Variants in TMEM26 observed in about 807,000 individuals in gnomAD.
TMEM26 encodes transmembrane protein 26.
In TMEM26, 38 loss-of-function variants were observed where a neutral mutation model predicts 28.8. The observed-to-expected ratio is 1.32, with a 90% CI of 1.02 to 1.73. TMEM26 has a LOEUF of 1.73. Ranked by LOEUF, TMEM26 falls within the 40% of genes most tolerant of loss-of-function variation. TMEM26 has a pLI of 0.00. For synonymous variants in TMEM26, 227 were observed against 182.9 expected, an observed-to-expected ratio of 1.24 and a Z score of -1.95; for missense variants, 518 against 447.1, an observed-to-expected ratio of 1.16 and a Z score of -1.43.
At chr10:61,421,171 T>C (rs1457829220) in intron 4 of TMEM26, among the ~76,000 whole-genome samples, 3 of 152,006 alleles carry the variant, frequency 2.0e-5, no homozygotes, top group Non-Finnish European at 4.4e-5. Context: ...ATGTATATTG[T>C]AACCCCTAGA....
At chr10:61,426,264 G>A (rs1303416309) in intron 4 of TMEM26, among the ~76,000 whole-genome samples, 2 of 152,036 alleles carry the variant, frequency 1.3e-5, no homozygotes, top group African/African-American at 2.4e-5. Flanking sequence ...GTGGTTGCCT[G>A]TTAAGAGTGA....
At chr10:61,441,032 T>C (rs1840083912) in intron 1 of TMEM26, among the ~76,000 whole-genome samples, 1 of 152,204 alleles carries the variant, frequency 6.6e-6, no homozygotes, top group Admixed American at 6.5e-5. Flanking sequence ...CTGTACAGTA[T>C]TGTTTTTTAT....
At chr10:61,441,441 T>A (rs1415726240) in intron 1 of TMEM26, among the ~76,000 whole-genome samples, 1 of 152,230 alleles carries the variant, frequency 6.6e-6, no homozygotes, top group Non-Finnish European at 1.5e-5. Flanking sequence ...GCAGTATTCT[T>A]GATCATGTGT....
chr10:61,419,970 T>C (rs1414960349), intron 4 of TMEM26, among the ~76,000 whole-genome samples: 1 of 152,070 alleles, frequency 6.6e-6, no homozygotes, highest in South Asian at 2.1e-4. Context: ...ATAAGTACAG[T>C]TGACCTTCCA....
chr10:61,432,694 A>C (rs953982484), intron 2 of TMEM26, among the ~76,000 whole-genome samples: 6 of 152,160 alleles, frequency 3.9e-5, no homozygotes, highest in African/African-American at 1.2e-4. Flanking sequence ...ATTTTTCTTA[A>C]TTATTCTGGA....
chr10:61,443,106 T>A (rs1304635253), intron 1 of TMEM26, among the ~76,000 whole-genome samples: 1 of 152,044 alleles, frequency 6.6e-6, no homozygotes, highest in Non-Finnish European at 1.5e-5. Flanking sequence ...CAAGAGCTAA[T>A]GAGAATTCCC....
intron 1 of TMEM26, among the ~76,000 whole-genome samples, chr10:61,450,374 A>G (rs1319692991): frequency 6.6e-6 from 1 of 152,196 alleles, no homozygotes; most frequent in Admixed American, 6.5e-5. Flanking sequence ...TAGAAAGGGA[A>G]TGTTCCCCAA....
At chr10:61,442,953 C>A (rs1273021980) in intron 1 of TMEM26, among the ~76,000 whole-genome samples, 1 of 152,134 alleles carries the variant, frequency 6.6e-6, no homozygotes, top group Non-Finnish European at 1.5e-5. Flanking sequence ...AACACAAAGC[C>A]TCTGAATGCC....
intron 4 of TMEM26, among the ~76,000 whole-genome samples, chr10:61,421,072 C>G (rs1839738553): frequency 6.6e-6 from 1 of 151,800 alleles, no homozygotes; most frequent in South Asian, 2.1e-4. Context: ...GCAAGTGGGG[C>G]AACAGTGCTA....
intron 4 of TMEM26, among the ~76,000 whole-genome samples, chr10:61,416,306 G>A (rs1186883329): frequency 6.6e-6 from 1 of 152,074 alleles, no homozygotes; most frequent in Non-Finnish European, 1.5e-5. Context: ...TTGGTACCAA[G>A]TGACCAGAAT....
At chr10:61,419,924 G>A (rs1839715715) in intron 4 of TMEM26, among the ~76,000 whole-genome samples, 1 of 152,060 alleles carries the variant, frequency 6.6e-6, no homozygotes, top group Non-Finnish European at 1.5e-5. Flanking sequence ...AAAACATCAA[G>A]AGAAAATTGA....
intron 1 of TMEM26, among the ~76,000 whole-genome samples, chr10:61,436,814 T>A (rs1033011599): frequency 1.3e-5 from 2 of 152,180 alleles, no homozygotes; most frequent in African/African-American, 4.8e-5. Flanking sequence ...ACCAACGGTG[T>A]AAGCCTTTGG....
intron 4 of TMEM26, among the ~76,000 whole-genome samples, chr10:61,417,482 T>C (rs2135292118): frequency 6.7e-6 from 1 of 149,596 alleles, no homozygotes; most frequent in African/African-American, 2.4e-5. Flanking sequence ...TTTTTTTTAA[T>C]GACAAATACC....
chr10:61,450,843 G>C (rs10994766), intron 1 of TMEM26, among the ~76,000 whole-genome samples: 14,710 of 151,836 alleles, frequency 0.097, 1,513 homozygotes, highest in African/African-American at 0.26. Flanking sequence ...TGACTTGTGC[G>C]GACATAAAGT....
At chr10:61,441,339 C>G (rs1840089363) in intron 1 of TMEM26, among the ~76,000 whole-genome samples, 1 of 152,150 alleles carries the variant, frequency 6.6e-6, no homozygotes, top group Non-Finnish European at 1.5e-5. Context: ...GGAAGATTTA[C>G]AGAAGAAAAC....
intron 3 of TMEM26, 126 bp from the exon 4 acceptor site, chr10:61,429,272 A>C (rs1004189999): frequency 3.0e-5 from 22 of 744,252 alleles, no homozygotes; most frequent in Non-Finnish European, 4.5e-5. Context: ...GTTATTCTTT[A>C]CTTACTAAAG....
rs1839509419 is a variant in TMEM26 at position 61,407,354 on chromosome 10, T to C, written c.*2968A>G. On this transcript the variant is annotated 3_prime_UTR_variant, in exon 6 of 6. Coordinates refer to ENST00000399298, the MANE Select transcript of TMEM26 (RefSeq NM_178505.8). ...TAAGGTCTGAAGTGCTATTTGTTAG[T>C]GGAACTACAACAGTGCCAAGAGTAA... 1 of 152,188 alleles carries C rather than the reference T, an allele frequency of 6.6e-6. No homozygotes were observed. The highest frequency in any genetic ancestry group is 1.5e-5 in the Non-Finnish European group (1 of 68,032). 9.4% of individuals were successfully genotyped at this position (152,188 alleles called of 1,614,324 possible).
chr10:61,428,483 C>A (rs1413596377), intron 4 of TMEM26, among the ~76,000 whole-genome samples: 1 of 152,102 alleles, frequency 6.6e-6, no homozygotes, highest in African/African-American at 2.4e-5. Context: ...TAGGGAGAGA[C>A]TTCTCCATGT....
intron 1 of TMEM26, among the ~76,000 whole-genome samples, chr10:61,448,508 G>C (rs962198543): frequency 2.6e-5 from 4 of 152,144 alleles, no homozygotes; most frequent in African/African-American, 9.7e-5. Context: ...GGAAGATTCT[G>C]GAAGATAGGA....
Sources: gnomAD v4.1 joint callset for allele counts (sites outside exome capture counted in the v4.1 genomes callset) on GRCh38, gnomAD v4.1.1 for gene constraint, MANE v1.5 for transcripts, NCBI Gene and HGNC (gene_info 2026-07-23, HGNC 2026-07-21) for gene names.